SHOX: variants seen among roughly 807,000 people sequenced by gnomAD.
SHOX encodes short stature homeobox protein.
Under a neutral mutation model 29.6 loss-of-function variants are expected in SHOX, and 12 were observed. That is an observed-to-expected ratio of 0.41 (90% CI 0.26 to 0.66). SHOX has a LOEUF of 0.66. Among genes scored for constraint, SHOX ranks in the 30% least tolerant of loss-of-function variants. The probability of loss-of-function intolerance (pLI) is 0.35; values close to 1 mark genes in which losing one functional copy is unlikely to be tolerated. For synonymous variants in SHOX, 214 were observed against 200.6 expected (o/e 1.07, Z -0.57); for missense variants, 499 against 437.7 (o/e 1.14, Z -1.25).
downstream of SHOX, among the ~76,000 whole-genome samples, chrX:653,509 AGATC>A (rs2053096838): frequency 1.3e-5 from 2 of 152,324 alleles, no homozygotes; most frequent in East Asian, 3.9e-4. Context: ...TATCGCTTCC[AGATC>A]TTCATTTTTT....
chrX:651,202 GA>G lies in SHOX; in HGVS notation c.*6570del, dbSNP rs1412062937. The G allele has an allele frequency of 2.4e-6, 1 of 420,002 alleles. No homozygotes were observed. The highest frequency in any genetic ancestry group is 7.3e-5 in the East Asian group (1 of 13,736). The allele number at this position is 420,002 out of a possible 1,614,324, so 26.0% of individuals were successfully genotyped here. On this transcript the variant is annotated 3_prime_UTR_variant, in exon 5 of 5. Transcript: ENST00000686671. ...GCGTTGCATTTATTTTTATATTTCT[GA>G]AAACTGTTGCTTTTTCTTTTTCCCT...
In SHOX at chrX:647,235, C is replaced by G. The variant is rs1410802806; in HGVS notation, c.*2599C>G. Among the ~76,000 whole-genome samples, 1 of 151,300 alleles carries G rather than the reference C, an allele frequency of 6.6e-6. No homozygotes were observed. The highest frequency in any genetic ancestry group is 1.5e-5 in the Non-Finnish European group (1 of 67,878). ...GGGATTACAGGCACCTGCCACCAGG[C>G]CTGGGTAACTTTCTGGTATTTTTAG... On this transcript the variant is annotated 3_prime_UTR_variant, in exon 5 of 5. Transcript: ENST00000686671.
intron 2 of SHOX, among the ~76,000 whole-genome samples, chrX:636,246 TATATA>T (rs889656666): frequency 1.5e-4 from 21 of 144,630 alleles, no homozygotes; most frequent in African/African-American, 5.3e-4. Context: ...TCTATAAACA[TATATA>T]ATATATAAAC....
At position 649,235 on chromosome X, in the gene SHOX, C is replaced by T. The variant is rs28554016; in HGVS notation, c.*4599C>T. Among the ~76,000 whole-genome samples, 16,379 of 151,914 alleles carry T rather than the reference C, an allele frequency of 0.11. 1,026 individuals carry two copies. Among genetic ancestry groups the T allele is most frequent in the African/African-American group, 0.16 (6,517 of 41,452 alleles). On this transcript the variant is annotated 3_prime_UTR_variant, in exon 5 of 5. Transcript: ENST00000686671. ...GTATTTTTTAGTAGAGACCGGGTTT[C>T]GCCATGTTGGCCAGGCTGGTCTTGA... is the stretch of plus-strand genomic sequence containing the variant.
chrX:626,980 G>GTC (rs750542778), upstream of SHOX, among the ~76,000 whole-genome samples: 369 of 139,918 alleles, frequency 2.6e-3, 1 homozygote, highest in African/African-American at 7.4e-3. Flanking sequence ...GTCTACCTCT[G>GTC]TCTCTCTCTC....
At chrX:641,414 T>C (rs984603982) in intron 4 of SHOX, among the ~76,000 whole-genome samples, 1 of 151,496 alleles carries the variant, frequency 6.6e-6, no homozygotes, top group Non-Finnish European at 1.5e-5. Context: ...ACAAAATGGG[T>C]GTGGTGGCTC....
At position 648,506 on chromosome X, in the gene SHOX, G is replaced by C. The variant is rs141648619; in HGVS notation, c.*3870G>C. Among the ~76,000 whole-genome samples, 1 of 152,226 alleles carries C rather than the reference G, an allele frequency of 6.6e-6. No homozygotes were observed. Among genetic ancestry groups the C allele is most frequent in the Non-Finnish European group, 1.5e-5 (1 of 68,038 alleles). ...TCCCTCGCAAAGTGCTGGGATTACA[G>C]GCGTGAGCCACCGCACCTGGCCTGA... On this transcript the variant is annotated 3_prime_UTR_variant, in exon 5 of 5. Coordinates refer to ENST00000686671, the MANE Select transcript of SHOX (RefSeq NM_000451.4).
In SHOX at chrX:648,911, T is replaced by C. The variant is rs28613716; in HGVS notation, c.*4275T>C. ...CTTCTCCTTCCTTCCTTCCTTCCTT[T>C]CTTTCTTTTTCTTTCTTTCTCTCTT... On this transcript the variant is annotated 3_prime_UTR_variant, in exon 5 of 5. Transcript: ENST00000686671. 0.31 allele frequency among the ~76,000 whole-genome samples: 37,721 copies of C among 123,326 alleles called. 5,608 individuals carry two copies. The highest frequency in any genetic ancestry group is 0.37 in the Non-Finnish European group (21,206 of 56,620). 80.9% of individuals were successfully genotyped at this position (123,326 alleles called of 152,430 possible). A position where few individuals can be genotyped will look rare whatever the true frequency, so the allele number is the denominator to read the frequency against.
In SHOX at chrX:649,795, C is replaced by T. The variant is rs1306783232; in HGVS notation, c.*5159C>T. Reference sequence around the variant, plus strand: ...GATACGTATTTTCTTCCCTCCTCTCCCCAAAACTTGGCCAAATAGTCCGTG... The same window carrying T: ...GATACGTATTTTCTTCCCTCCTCTCTCCAAAACTTGGCCAAATAGTCCGTG... On this transcript the variant is annotated 3_prime_UTR_variant, in exon 5 of 5. Transcript: ENST00000686671. The T allele has an allele frequency of 4.8e-6, 2 of 419,596 alleles. No individual in the cohort carries two copies. Among genetic ancestry groups the T allele is most frequent in the African/African-American group, 4.1e-5 (2 of 49,026 alleles). The allele number at this position is 419,596 out of a possible 1,614,324, so 26.0% of individuals were successfully genotyped here.
In SHOX at chrX:634,847, G is replaced by T. The variant is rs368313098; in HGVS notation, c.486+21G>T. ...TGCAGGTAGGAACCCGGGGGCGGGGGCGGGGGGCCCGGAGCCATCGCCTGG... is the reference window on the plus strand; with the variant it reads ...TGCAGGTAGGAACCCGGGGGCGGGGTCGGGGGGCCCGGAGCCATCGCCTGG... On this transcript the variant is annotated intron_variant, in intron 2 of 4. Coordinates refer to ENST00000686671, the MANE Select transcript of SHOX (RefSeq NM_000451.4). 3.5e-5 allele frequency: 54 copies of T among 1,549,150 alleles called. 1 individual carries two copies. Among genetic ancestry groups the T allele is most frequent in the South Asian group, 7.1e-5 (6 of 84,306 alleles).
intron 4 of SHOX, among the ~76,000 whole-genome samples, chrX:642,305 G>A (rs909483717): frequency 6.6e-6 from 1 of 152,054 alleles, no homozygotes. Flanking sequence ...GGGCTTGGGG[G>A]GGGGGCTCTG....
chrX:639,624 T>G (rs1411536809), intron 2 of SHOX, among the ~76,000 whole-genome samples: 1 of 152,250 alleles, frequency 6.6e-6, no homozygotes, highest in African/African-American at 2.4e-5. Flanking sequence ...CCACTTCCAC[T>G]GGCTCGGAAC....
chrX:625,562 C>T (rs1216091653), intron 1 of SHOX, among the ~76,000 whole-genome samples: 3 of 150,750 alleles, frequency 2.0e-5, no homozygotes, highest in Non-Finnish European at 4.4e-5. Context: ...CTCTGTCTCT[C>T]TGTATCTCTG....
intron 1 of SHOX, among the ~76,000 whole-genome samples, chrX:631,584 T>A (rs2052650273): frequency 6.6e-6 from 1 of 152,138 alleles, no homozygotes; most frequent in Admixed American, 6.5e-5. Context: ...CAGGCTGGAG[T>A]GCAGTGGTGC....
intron 4 of SHOX, among the ~76,000 whole-genome samples, chrX:641,406 A>G (rs1466870418): frequency 1.3e-5 from 2 of 151,874 alleles, no homozygotes; most frequent in Non-Finnish European, 2.9e-5. Context: ...TTAAAAATAC[A>G]AAATGGGTGT....
At chrX:640,407 G>A (rs1174078971) in intron 2 of SHOX, among the ~76,000 whole-genome samples, 8 of 151,298 alleles carry the variant, frequency 5.3e-5, no homozygotes, top group African/African-American at 9.7e-5. Flanking sequence ...GTGAAACCGC[G>A]TCTCTACTAA....
At chrX:632,847 C>T (rs1049465038) in intron 1 of SHOX, among the ~76,000 whole-genome samples, 1 of 152,044 alleles carries the variant, frequency 6.6e-6, no homozygotes, top group Non-Finnish European at 1.5e-5. Flanking sequence ...TGAGGGCCTG[C>T]GTGTAATTTA....
At chrX:630,277 C>T (rs1350678499), upstream of SHOX, among the ~76,000 whole-genome samples, 1 of 148,722 alleles carries the variant, frequency 6.7e-6, no homozygotes, top group African/African-American at 2.5e-5. Flanking sequence ...CTCATCTTCT[C>T]CCAAGATCGT....
upstream of SHOX, among the ~76,000 whole-genome samples, chrX:629,695 C>T (rs1404062877): frequency 6.6e-6 from 1 of 152,152 alleles, no homozygotes; most frequent in African/African-American, 2.4e-5. Flanking sequence ...CCCCAGGCCC[C>T]GCCGGGGAGG....
Sources: allele counts gnomAD v4.1 joint callset (sites outside exome capture counted in the v4.1 genomes callset), GRCh38; gene constraint gnomAD v4.1.1; transcripts MANE v1.5; gene names NCBI Gene and HGNC (gene_info 2026-07-23, HGNC 2026-07-21).